The following CYP4F22 variants were observed in gnomAD, a reference collection of about 807,000 sequenced individuals.
CYP4F22 encodes the protein cytochrome P450 family 4 subfamily F member 22.
A neutral mutation model predicts 60.4 loss-of-function variants in CYP4F22; 37 were observed. That is an observed-to-expected ratio of 0.61 (90% confidence interval 0.47 to 0.81). The LOEUF is 0.81. CYP4F22 is among the 30% of genes least tolerant of loss of function. The probability of loss-of-function intolerance (pLI) is 0.00; values close to 1 mark genes in which losing one functional copy is unlikely to be tolerated. For missense variants in CYP4F22, 655 were observed against 715.0 expected (o/e 0.92, Z 0.96); for synonymous variants, 258 against 280.5 (o/e 0.92, Z 0.80).
intron 1 of CYP4F22, among the ~76,000 whole-genome samples, chr19:15,513,504 A>G (rs2144495569): frequency 6.6e-6 from 1 of 151,740 alleles, no homozygotes. Flanking sequence ...AGCTGGGACT[A>G]CAGGCGCCCG....
intron 10 of CYP4F22, among the ~76,000 whole-genome samples, chr19:15,545,087 T>A (rs1971505835): frequency 3.1e-5 from 4 of 128,902 alleles, no homozygotes; most frequent in Non-Finnish European, 3.2e-5. Context: ...AAAGATAAAA[T>A]AAGTAAATAA....
intron 1 of CYP4F22, chr19:15,515,589 G>T (rs1971144158): frequency 4.3e-6 from 2 of 468,266 alleles, no homozygotes. Flanking sequence ...AGCCAGGTGT[G>T]GTGGCGCATG....
chr19:15,510,966 A>ATATATATATATATATATATATATAT (rs34055543), intron 1 of CYP4F22, among the ~76,000 whole-genome samples: 1 of 103,332 alleles, frequency 9.7e-6, no homozygotes, highest in Non-Finnish European at 1.8e-5. Flanking sequence ...ATATATATAT[A>ATATATATATATATATATATATATAT]TTTTTTTTTT....
chr19:15,510,310 C>G (rs1971075212), intron 1 of CYP4F22, among the ~76,000 whole-genome samples: 1 of 152,148 alleles, frequency 6.6e-6, no homozygotes, highest in Admixed American at 6.5e-5. Context: ...AAACTTGGAC[C>G]TGATTCTCCA....
At chr19:15,514,556 C>T (rs1971132178) in intron 1 of CYP4F22, among the ~76,000 whole-genome samples, 1 of 151,982 alleles carries the variant, frequency 6.6e-6, no homozygotes, top group South Asian at 2.1e-4. Flanking sequence ...TGTGGTGGCC[C>T]AGCTACTCGG....
At position 15,509,922 on chromosome 19, in the gene CYP4F22, C is replaced by CTTCCTTCTTTCTTTCT. The variant is rs1555725990; in HGVS notation, c.-109+1342_-109+1343insCTTCTTTCTTTCTTTC. Among the ~76,000 whole-genome samples, 199 of 115,560 alleles carry CTTCCTTCTTTCTTTCT rather than the reference C, an allele frequency of 1.7e-3. 3 individuals are homozygous for CTTCCTTCTTTCTTTCT. Among genetic ancestry groups the CTTCCTTCTTTCTTTCT allele is most frequent in the Middle Eastern group, 8.9e-3 (2 of 224 alleles). The allele number at this position is 115,560 out of a possible 152,430, so 75.8% of individuals were successfully genotyped here. ...CTTCCTTCCTTTCTTTCTTTCCTTC[C>CTTCCTTCTTTCTTTCT]TTCTTTCTTTCTTTCTTTCTTTCTT... is the stretch of plus-strand genomic sequence containing the variant. On this transcript the variant is annotated intron_variant, in intron 1 of 13. Transcript: ENST00000269703.
intron 4 of CYP4F22, among the ~76,000 whole-genome samples, chr19:15,534,666 A>G (rs1971377262): frequency 6.6e-6 from 1 of 152,084 alleles, no homozygotes; most frequent in African/African-American, 2.4e-5. Flanking sequence ...GCGTGGACAC[A>G]GACTTTCCTG....
intron 13 of CYP4F22, 140 bp downstream of exon 13, chr19:15,550,896 C>A: frequency 2.0e-6 from 2 of 984,360 alleles, no homozygotes; most frequent in Non-Finnish European, 3.2e-6. Context: ...CTCCCCAATG[C>A]GCCAGGAGGC....
At chr19:15,538,043 G>A (rs763037152) in intron 7 of CYP4F22, 50 bp downstream of exon 7, 50 of 1,611,818 alleles carry the variant, frequency 3.1e-5, no homozygotes, top group African/African-American at 2.7e-5. Context: ...CTAGGAGCAA[G>A]ATGGTGGCAG....
intron 1 of CYP4F22, chr19:15,516,607 T>G: frequency 3.4e-6 from 1 of 291,376 alleles, no homozygotes; most frequent in Non-Finnish European, 6.7e-6. Context: ...TTACTTGCAG[T>G]ACCGAGGAAC....
intron 4 of CYP4F22, among the ~76,000 whole-genome samples, chr19:15,531,384 T>A (rs1408982146): frequency 7.0e-6 from 1 of 142,740 alleles, no homozygotes; most frequent in Non-Finnish European, 1.5e-5. Flanking sequence ...CTTAGTCTCT[T>A]AAAAAAAAAA....
At chr19:15,549,049 T>C in intron 11 of CYP4F22, 89 bp from the exon 12 acceptor site, 8 of 1,452,604 alleles carry the variant, frequency 5.5e-6, no homozygotes, top group Non-Finnish European at 6.8e-6. Context: ...CATGGGAACA[T>C]CATGGCTCTA....
chr19:15,516,097 A>G, intron 1 of CYP4F22: 1 of 152,232 alleles, frequency 6.6e-6, no homozygotes, highest in African/African-American at 2.4e-5. Flanking sequence ...AGGACTCAAC[A>G]TCCTTGCCAA....
Position 15,537,382 on chromosome 19 carries a change from A to G in CYP4F22, c.389A>G (p.Asp130Gly). 1 of 1,614,120 alleles carries G rather than the reference A, an allele frequency of 6.2e-7. No individual in the cohort carries two copies. Residue 130 changes from aspartate to glycine, a missense_variant, in exon 5 of 14, where the codon GAC becomes GGC. By Grantham distance (94) the Asp-to-Gly change is moderately conservative. Transcript: ENST00000269703. ...GASAAIAPKD[D>G]LFYGFLKPWL... ...ACAGCTGCCATCGCCCCCAAGGATG[A>G]CCTCTTCTATGGCTTCCTAAAACCT...
chr19:15,542,389 T>C (rs9749578), intron 8 of CYP4F22, among the ~76,000 whole-genome samples: 7,878 of 151,616 alleles, frequency 0.052, 638 homozygotes, highest in African/African-American at 0.17. Context: ...AAAAAAATAT[T>C]AGCCGGGCGT....
At chr19:15,547,018 G>GTTTTGTTT (rs1555730099) in intron 10 of CYP4F22, among the ~76,000 whole-genome samples, 2 of 82,330 alleles carry the variant, frequency 2.4e-5, no homozygotes, top group East Asian at 5.3e-4. Context: ...GCCTGCACCA[G>GTTTTGTTT]TTTTTTTTTT....
At chr19:15,546,299 C>A (rs905019704) in intron 10 of CYP4F22, among the ~76,000 whole-genome samples, 1 of 152,000 alleles carries the variant, frequency 6.6e-6, no homozygotes, top group Non-Finnish European at 1.5e-5. Context: ...GAAAGAGAAC[C>A]TGGGCCAGGT....
At chr19:15,528,006 A>G (rs2144516069) in intron 3 of CYP4F22, among the ~76,000 whole-genome samples, 1 of 152,282 alleles carries the variant, frequency 6.6e-6, no homozygotes, top group East Asian at 1.9e-4. Context: ...GCAGTTTTGT[A>G]GCTAGGTGGC....
chr19:15,544,606 C>T (rs1971500843), intron 10 of CYP4F22, among the ~76,000 whole-genome samples: 1 of 152,194 alleles, frequency 6.6e-6, no homozygotes, highest in African/African-American at 2.4e-5. Flanking sequence ...ACTCTAATTG[C>T]TGTTGGACTT....
Sources: allele counts gnomAD v4.1 joint callset (sites outside exome capture counted in the v4.1 genomes callset), GRCh38; gene constraint gnomAD v4.1.1; transcripts MANE v1.5; gene names NCBI Gene and HGNC (gene_info 2026-07-23, HGNC 2026-07-21).